Variants in TNR observed in about 807,000 individuals in gnomAD.
TNR encodes tenascin-R.
TNR carries 45 observed loss-of-function variants against 150.4 expected under a neutral mutation model. That is an observed-to-expected ratio of 0.30 (90% CI 0.24 to 0.38). TNR has a LOEUF of 0.38. Among genes scored for constraint, TNR ranks in the 10% least tolerant of loss-of-function variants. TNR has a pLI of 1.00. For missense variants in TNR, 1,544 were observed against 1,759.1 expected (o/e 0.88, Z 2.19); for synonymous variants, 687 against 678.4 (o/e 1.01, Z -0.20).
chr1:175,614,974 T>C (rs1328837762), intron 1 of TNR, among the ~76,000 whole-genome samples: 1 of 152,244 alleles, frequency 6.6e-6, no homozygotes, highest in Non-Finnish European at 1.5e-5. Context: ...GCCCACAGCC[T>C]GGAGGGCTGC....
chr1:175,354,291 T>A, intron 18 of TNR, 100 bp downstream of exon 18: 1 of 1,483,306 alleles, frequency 6.7e-7, no homozygotes, highest in East Asian at 2.4e-5. Context: ...ACTGAGCTTT[T>A]TTGATAAACT....
chr1:175,633,840 C>T (rs1157085807), intron 1 of TNR, among the ~76,000 whole-genome samples: 1 of 152,138 alleles, frequency 6.6e-6, no homozygotes, highest in Non-Finnish European at 1.5e-5. Flanking sequence ...ATTGTGTTCA[C>T]ATCTTCCATA....
intron 2 of TNR, among the ~76,000 whole-genome samples, chr1:175,439,160 C>G (rs1557935008): frequency 6.6e-6 from 1 of 152,126 alleles, no homozygotes; most frequent in African/African-American, 2.4e-5. Context: ...CAGCATGGTA[C>G]TGGTACCAAA....
At chr1:175,666,799 G>T (rs1303967505) in intron 1 of TNR, among the ~76,000 whole-genome samples, 1 of 152,202 alleles carries the variant, frequency 6.6e-6, no homozygotes, top group East Asian at 1.9e-4. Context: ...CCAGGCTGGA[G>T]TCTAGTGGCA....
At chr1:175,580,268 C>G (rs1419155279) in intron 1 of TNR, among the ~76,000 whole-genome samples, 1 of 152,188 alleles carries the variant, frequency 6.6e-6, no homozygotes, top group Non-Finnish European at 1.5e-5. Context: ...GAAAATGAAG[C>G]CTACCTTTTT....
At chr1:175,606,640 C>T (rs914336627) in intron 1 of TNR, among the ~76,000 whole-genome samples, 2 of 152,082 alleles carry the variant, frequency 1.3e-5, no homozygotes, top group Non-Finnish European at 2.9e-5. Context: ...GGCTGCAGAC[C>T]CTTGTCCAGA....
chr1:175,524,531 G>A (rs1339753936), intron 2 of TNR, among the ~76,000 whole-genome samples: 1 of 152,096 alleles, frequency 6.6e-6, no homozygotes, highest in East Asian at 1.9e-4. Flanking sequence ...GGTGGATCAG[G>A]CTATAGAGGA....
intron 20 of TNR, among the ~76,000 whole-genome samples, chr1:175,331,017 CTT>C (rs1553203184): frequency 1.7e-5 from 1 of 59,326 alleles, no homozygotes; most frequent in Non-Finnish European, 3.4e-5. Flanking sequence ...TTCTTTCTTT[CTT>C]TCTTTCTTTC....
chr1:175,613,779 AT>A (rs1313732403), intron 1 of TNR, among the ~76,000 whole-genome samples: 1 of 152,174 alleles, frequency 6.6e-6, no homozygotes, highest in Non-Finnish European at 1.5e-5. Flanking sequence ...CTGCATCAGA[AT>A]TTGGCCTCCT....
chr1:175,346,530 C>A lies in TNR; in HGVS notation c.3382+7861G>T, dbSNP rs558155987. On this transcript the variant is annotated intron_variant, in intron 18 of 22. Coordinates refer to ENST00000367674, the MANE Select transcript of TNR (RefSeq NM_003285.3). ...GAAAATATTAATAAAAGAAATATAT[C>A]ACTAGGAAGACTGAGAAGTAAAGAC... is the stretch of plus-strand genomic sequence containing the variant. 2.5e-3 allele frequency among the ~76,000 whole-genome samples: 381 copies of A among 151,124 alleles called. 4 individuals are homozygous for A. The highest frequency in any genetic ancestry group is 8.7e-3 in the African/African-American group (358 of 41,146).
chr1:175,460,381 G>A (rs1471091421), intron 2 of TNR, among the ~76,000 whole-genome samples: 1 of 151,992 alleles, frequency 6.6e-6, no homozygotes, highest in East Asian at 1.9e-4. Flanking sequence ...AAGGCCACAG[G>A]AGGTCCCTCA....
intron 9 of TNR, among the ~76,000 whole-genome samples, chr1:175,368,820 G>T (rs1651954639): frequency 6.6e-6 from 1 of 152,138 alleles, no homozygotes; most frequent in Admixed American, 6.6e-5. Context: ...GTGGTGGTGT[G>T]CACCTGTAGT....
At chr1:175,488,355 A>C (rs1287442696) in intron 2 of TNR, among the ~76,000 whole-genome samples, 6 of 152,198 alleles carry the variant, frequency 3.9e-5, no homozygotes, top group Admixed American at 1.3e-4. Context: ...GAAGGGAAGA[A>C]TGGAGGATGA....
chr1:175,727,509 G>T (rs956912369), intron 1 of TNR, among the ~76,000 whole-genome samples: 1 of 152,200 alleles, frequency 6.6e-6, no homozygotes, highest in African/African-American at 2.4e-5. Context: ...GATGGGAGCT[G>T]AGAAATAGGG....
At chr1:175,506,173 G>C (rs1198183740) in intron 2 of TNR, among the ~76,000 whole-genome samples, 5 of 152,212 alleles carry the variant, frequency 3.3e-5, no homozygotes, top group Non-Finnish European at 5.9e-5. Flanking sequence ...ATCCTATGAA[G>C]GAACACTGAG....
chr1:175,336,398 A>G (rs1372978257), intron 19 of TNR, among the ~76,000 whole-genome samples: 1 of 152,248 alleles, frequency 6.6e-6, no homozygotes, highest in Non-Finnish European at 1.5e-5. Context: ...TCCCAAGAGT[A>G]GCTGTTATGA....
At chr1:175,621,745 C>G (rs1663983730) in intron 1 of TNR, among the ~76,000 whole-genome samples, 1 of 152,220 alleles carries the variant, frequency 6.6e-6, no homozygotes, top group Non-Finnish European at 1.5e-5. Context: ...GCCTTTATAT[C>G]CCATCCATCT....
chr1:175,331,158 T>TTCC (rs1553203605), intron 20 of TNR, among the ~76,000 whole-genome samples: 47 of 101,598 alleles, frequency 4.6e-4, no homozygotes, highest in African/African-American at 1.4e-3. Flanking sequence ...TTTCTTTCTT[T>TTCC]TTCTTTCCTT....
chr1:175,446,248 T>C lies in TNR; in HGVS notation c.-63-39471A>G, dbSNP rs114315254. 7.9e-3 allele frequency among the ~76,000 whole-genome samples: 1,205 copies of C among 152,338 alleles called. 20 individuals are homozygous for C. Among genetic ancestry groups the C allele is most frequent in the African/African-American group, 0.027 (1,139 of 41,578 alleles). On this transcript the variant is annotated intron_variant, in intron 2 of 22. Transcript: ENST00000367674. ...GCTCAGCCACTCAGAGCCTGATGCT[T>C]GTACTCAGGGAACTGCTGCATCAGA...
Sources: gnomAD v4.1 joint callset for allele counts (sites outside exome capture counted in the v4.1 genomes callset) on GRCh38, gnomAD v4.1.1 for gene constraint, MANE v1.5 for transcripts, NCBI Gene and HGNC (gene_info 2026-07-23, HGNC 2026-07-21) for gene names.